The following VIPR2 variants were observed in gnomAD, a reference collection of about 807,000 sequenced individuals.
VIPR2 encodes the protein vasoactive intestinal peptide receptor 2.
Under a neutral mutation model 58.0 loss-of-function variants are expected in VIPR2, and 48 were observed. The ratio of observed to expected loss-of-function variants is 0.83; its 90% confidence interval spans 0.66 to 1.05. The LOEUF is 1.05. VIPR2 is among the 50% of genes least tolerant of loss of function. The pLI, the probability that VIPR2 is intolerant of heterozygous loss-of-function variation, is 0.00. For synonymous variants in VIPR2, 243 were observed against 235.2 expected (o/e 1.03, Z -0.30); for missense variants, 534 against 558.0 (o/e 0.96, Z 0.43).
intron 4 of VIPR2, among the ~76,000 whole-genome samples, chr7:159,080,353 CCAAAGA>C (rs1344623143): frequency 1.3e-5 from 2 of 152,086 alleles, no homozygotes; most frequent in African/African-American, 2.4e-5. Flanking sequence ...ATAAACAGAA[CCAAAGA>C]CAAAAACCAC....
intron 6 of VIPR2, among the ~76,000 whole-genome samples, chr7:159,039,670 C>T (rs942853936): frequency 2.0e-5 from 3 of 152,034 alleles, no homozygotes; most frequent in African/African-American, 2.4e-5. Context: ...CCTTCCACCA[C>T]GTGAGGACAC....
At chr7:159,094,792 C>G (rs1359137456) in intron 4 of VIPR2, among the ~76,000 whole-genome samples, 1 of 152,108 alleles carries the variant, frequency 6.6e-6, no homozygotes. Context: ...AGAGGGAGAA[C>G]TTATTTTCTT....
chr7:159,050,855 A>G (rs2129493732), intron 5 of VIPR2, among the ~76,000 whole-genome samples: 1 of 152,330 alleles, frequency 6.6e-6, no homozygotes, highest in South Asian at 2.1e-4. Context: ...CTAAAAACTG[A>G]AAAAAGTCTT....
chr7:159,123,329 A>AAAAC, intron 2 of VIPR2, among the ~76,000 whole-genome samples: 1 of 150,660 alleles, frequency 6.6e-6, no homozygotes, highest in East Asian at 1.9e-4. Flanking sequence ...AGAAAAAAAA[A>AAAAC]CCTCAGTGTC....
intron 4 of VIPR2, among the ~76,000 whole-genome samples, chr7:159,088,832 G>A (rs1457454878): frequency 6.9e-6 from 1 of 145,610 alleles, no homozygotes; most frequent in African/African-American, 2.5e-5. Flanking sequence ...CCTCATCTGG[G>A]GAATGGGAAT....
At chr7:159,083,549 A>G (rs1857019832) in intron 4 of VIPR2, among the ~76,000 whole-genome samples, 1 of 152,166 alleles carries the variant, frequency 6.6e-6, no homozygotes, top group Admixed American at 6.5e-5. Flanking sequence ...CGGGTTCAAC[A>G]GCTTTCCAGG....
At position 159,047,423 on chromosome 7, in the gene VIPR2, T is replaced by C. The variant is rs1284128672; in HGVS notation, c.456-4247A>G. On this transcript the variant is annotated intron_variant, in intron 5 of 12. Transcript: ENST00000262178. ...TTTATAAACAAATGTCAATTGTTTA[T>C]AAAAATTAGAAATTATGGTGTAAAT... is the stretch of plus-strand genomic sequence containing the variant. Among the ~76,000 whole-genome samples, 9 of 152,344 alleles carry C rather than the reference T, an allele frequency of 5.9e-5. No homozygotes were observed. In the South Asian group the frequency reaches 1.7e-3, roughly 28 times the overall value.
rs1857771493 is a variant in VIPR2, at chr7:159,095,459, T to G, written c.357+8298A>C. On this transcript the variant is annotated intron_variant, in intron 4 of 12. Transcript: ENST00000262178. The surrounding 1 kb of genome is among the most constrained non-coding windows in gnomAD (Gnocchi z 5.2). Reference sequence around the variant, plus strand: ...GCTAAGAAAGATACAGCAGAGAGAATGTGACAACTGAGTTTCCTCTTTGTA... The same window carrying G: ...GCTAAGAAAGATACAGCAGAGAGAAGGTGACAACTGAGTTTCCTCTTTGTA... Among the ~76,000 whole-genome samples the G allele has an allele frequency of 6.6e-6, 1 of 152,232 alleles. No homozygotes were observed. Among genetic ancestry groups the G allele is most frequent in the African/African-American group, 2.4e-5 (1 of 41,458 alleles).
chr7:159,121,500 A>G (rs1032646009), intron 2 of VIPR2, among the ~76,000 whole-genome samples: 5 of 152,324 alleles, frequency 3.3e-5, no homozygotes, highest in African/African-American at 1.2e-4. Context: ...ACTGTTACAC[A>G]TGCTTAGGTA....
chr7:159,142,638 C>A, intron 1 of VIPR2, 93 bp from the exon 2 acceptor site: 1 of 843,246 alleles, frequency 1.2e-6, no homozygotes, highest in South Asian at 1.8e-5. Context: ...CCAAACCTCA[C>A]AGCTTTAAAC....
intron 4 of VIPR2, chr7:159,059,372 G>A (rs1022564894): frequency 8.5e-6 from 4 of 471,054 alleles, no homozygotes; most frequent in African/African-American, 8.0e-5. Flanking sequence ...AAAATAAAGA[G>A]GGAAACAATC....
At chr7:159,066,439 G>A (rs1856099214) in intron 4 of VIPR2, among the ~76,000 whole-genome samples, 1 of 151,966 alleles carries the variant, frequency 6.6e-6, no homozygotes, top group Non-Finnish European at 1.5e-5. Flanking sequence ...ATCCTGCAGC[G>A]TCCATGGGAT....
chr7:159,117,336 T>C (rs1796274543), intron 2 of VIPR2: 2 of 717,346 alleles, frequency 2.8e-6, no homozygotes, highest in East Asian at 2.7e-5. Flanking sequence ...ATGGAGCCAA[T>C]GGGTAGGTAT....
At chr7:159,111,812 C>T (rs561049485) in intron 2 of VIPR2, among the ~76,000 whole-genome samples, 91 of 152,258 alleles carry the variant, frequency 6.0e-4, no homozygotes, top group African/African-American at 2.2e-3. Context: ...ACTTCAAGAC[C>T]AGCGTGGGCA....
intron 4 of VIPR2, among the ~76,000 whole-genome samples, chr7:159,060,738 A>AT (rs1855600220): frequency 1.3e-5 from 2 of 151,140 alleles, no homozygotes; most frequent in Non-Finnish European, 3.0e-5. Flanking sequence ...TATTCACTTC[A>AT]ACTAACCACA....
intron 4 of VIPR2, among the ~76,000 whole-genome samples, chr7:159,100,016 A>G (rs747489405): frequency 7.9e-5 from 12 of 152,078 alleles, no homozygotes; most frequent in Non-Finnish European, 1.6e-4. Context: ...TGGGCCCCCA[A>G]CACTCAACTC....
At chr7:159,135,889 C>T (rs763375412) in intron 2 of VIPR2, among the ~76,000 whole-genome samples, 1 of 152,140 alleles carries the variant, frequency 6.6e-6, no homozygotes, top group Admixed American at 6.5e-5. Flanking sequence ...GGTTTAATTT[C>T]CACTCATCCC....
At chr7:159,053,166 G>T (rs1014630400) in intron 5 of VIPR2, among the ~76,000 whole-genome samples, 9 of 151,740 alleles carry the variant, frequency 5.9e-5, no homozygotes, top group Admixed American at 5.9e-4. Context: ...CGCCCAGGCT[G>T]GTCTCAAACT....
Position 159,097,093 on chromosome 7 carries a change from G to A in VIPR2, c.357+6664C>T. ...CTGGGAGGCTGGTGTGTCCTTGCAG[G>A]GTTGCAGGAGGGTTGGCGGGATGAT... On this transcript the variant is annotated intron_variant, in intron 4 of 12. Transcript: ENST00000262178. This position sits in a 1 kb window ranked among gnomAD's most constrained non-coding sequence, Gnocchi z 5.3. 6.6e-7 allele frequency: 1 copy of A among 1,516,278 alleles called. No individual in the cohort carries two copies. Among genetic ancestry groups the A allele is most frequent in the Non-Finnish European group, 8.9e-7 (1 of 1,125,304 alleles). The allele number at this position is 1,516,278 out of a possible 1,614,324, so 93.9% of individuals were successfully genotyped here.
Sources: gnomAD v4.1 joint callset for allele counts (sites outside exome capture counted in the v4.1 genomes callset) on GRCh38, gnomAD v4.1.1 for gene constraint, Gnocchi (gnomAD v3.1) non-coding constraint, MANE v1.5 for transcripts, NCBI Gene and HGNC (gene_info 2026-07-23, HGNC 2026-07-21) for gene names.